Variants in KCNQ1 observed in about 807,000 individuals in gnomAD.
The protein encoded by KCNQ1 is potassium voltage-gated channel subfamily KQT member 1.
Under a neutral mutation model 72.4 loss-of-function variants are expected in KCNQ1, and 49 were observed. The observed-to-expected ratio is 0.68, with a 90% confidence interval of 0.54 to 0.86. The LOEUF (loss-of-function observed/expected upper bound fraction) is 0.86, where lower values mean the gene tolerates loss of function less well. Ranked by LOEUF, KCNQ1 falls within the 40% of genes least tolerant of loss-of-function variation. The pLI, the probability that KCNQ1 is intolerant of heterozygous loss-of-function variation, is 0.00. For missense variants in KCNQ1, 790 were observed against 945.1 expected (o/e 0.84, Z 2.15); for synonymous variants, 450 against 412.6 (o/e 1.09, Z -1.10).
At chr11:2,533,257 G>T (rs897918768) in intron 2 of KCNQ1, among the ~76,000 whole-genome samples, 55 of 152,238 alleles carry the variant, frequency 3.6e-4, no homozygotes, top group Non-Finnish European at 4.1e-4. Context: ...GAGGGATTAG[G>T]CATTCTGCTG....
intron 11 of KCNQ1, among the ~76,000 whole-genome samples, chr11:2,706,971 A>G (rs927989973): frequency 6.6e-6 from 1 of 152,182 alleles, no homozygotes; most frequent in Middle Eastern, 3.2e-3. Context: ...AATGTGATTT[A>G]GGAAATGTAA....
In KCNQ1 at chr11:2,710,458, A is replaced by G. The variant is rs1850984384; in HGVS notation, c.1514+48377A>G. On this transcript the variant is annotated intron_variant, in intron 11 of 15. Coordinates refer to ENST00000155840, the MANE Select transcript of KCNQ1 (RefSeq NM_000218.3). The surrounding 1 kb of genome is among the most constrained non-coding windows in gnomAD (Gnocchi z 4.1). Reference sequence around the variant, plus strand: ...TTCACTTTCTTGATCATGTCCTTTGACTCACAAAGGTTTTTAATTTTGATG... The same window carrying G: ...TTCACTTTCTTGATCATGTCCTTTGGCTCACAAAGGTTTTTAATTTTGATG... Among the ~76,000 whole-genome samples, 1 of 151,900 alleles carries G rather than the reference A, an allele frequency of 6.6e-6. No individual in the cohort carries two copies. The highest frequency in any genetic ancestry group is 1.9e-4 in the East Asian group (1 of 5,176).
At chr11:2,525,046 G>A (rs1011609699) in intron 1 of KCNQ1, among the ~76,000 whole-genome samples, 4 of 152,244 alleles carry the variant, frequency 2.6e-5, no homozygotes, top group African/African-American at 9.6e-5. Context: ...ATGGCGGAGG[G>A]AGCCCTGGTA....
chr11:2,702,169 G>T (rs776267222), intron 11 of KCNQ1, among the ~76,000 whole-genome samples: 14 of 152,190 alleles, frequency 9.2e-5, no homozygotes, highest in South Asian at 2.1e-4. Flanking sequence ...CAGGATCCCA[G>T]GTCTTCAGAG....
intron 11 of KCNQ1, among the ~76,000 whole-genome samples, chr11:2,707,296 C>T (rs778637418): frequency 3.3e-5 from 5 of 152,196 alleles, no homozygotes; most frequent in Non-Finnish European, 5.9e-5. Flanking sequence ...TCTGCTGTAA[C>T]GTCCACTGGA....
At position 2,541,389 on chromosome 11, in the gene KCNQ1, A is replaced by G. The variant is rs569180247; in HGVS notation, c.477+13371A>G. On this transcript the variant is annotated intron_variant, in intron 2 of 15. Transcript: ENST00000155840. The surrounding 1 kb of genome is among the most constrained non-coding windows in gnomAD (Gnocchi z 4.8). ...TCTTTATTTCATTTTAGCTTTCTTTAGCGGGGCCTGTGTCTCTTCTCACTG... is the reference window on the plus strand; with the variant it reads ...TCTTTATTTCATTTTAGCTTTCTTTGGCGGGGCCTGTGTCTCTTCTCACTG... 2.0e-5 allele frequency among the ~76,000 whole-genome samples: 3 copies of G among 152,160 alleles called. No individual in the cohort carries two copies. Among genetic ancestry groups the G allele is most frequent in the Admixed American group, 2.0e-4 (3 of 15,306 alleles).
intron 2 of KCNQ1, among the ~76,000 whole-genome samples, chr11:2,540,398 C>T (rs550726187): frequency 4.6e-5 from 7 of 152,354 alleles, no homozygotes; most frequent in South Asian, 2.1e-4. Context: ...TCAGGAGCCA[C>T]GGCTCGAGCA....
intron 1 of KCNQ1, chr11:2,521,509 G>T (rs764931820): frequency 6.2e-5 from 29 of 470,526 alleles, no homozygotes; most frequent in South Asian, 4.2e-4. Context: ...GGTCACGAGA[G>T]TGCAAAGTTC....
chr11:2,562,089 A>C lies in KCNQ1; in HGVS notation c.478-8539A>C, dbSNP rs957533234. 6.6e-6 allele frequency among the ~76,000 whole-genome samples: 1 copy of C among 150,434 alleles called. No individual in the cohort carries two copies. ...AGTAAGGCCAGGACAGGGCAGCCGG[A>C]CCCCGACTGTGCCACCCTCAGCCCA... On this transcript the variant is annotated intron_variant, in intron 2 of 15. Coordinates refer to ENST00000155840, the MANE Select transcript of KCNQ1 (RefSeq NM_000218.3). The surrounding 1 kb of genome is among the most constrained non-coding windows in gnomAD (Gnocchi z 7.5).
At position 2,663,912 on chromosome 11, in the gene KCNQ1, G is replaced by A. The variant is rs1318941330; in HGVS notation, c.1514+1831G>A. 2.5e-6 allele frequency: 1 copy of A among 398,568 alleles called. No individual in the cohort carries two copies. The allele number at this position is 398,568 out of a possible 1,614,324, so 24.7% of individuals were successfully genotyped here. A position where few individuals can be genotyped will look rare whatever the true frequency, so the allele number is the denominator to read the frequency against. ...AAGCCAGTGTGGCTGTGTCATCTAG[G>A]ACACTGGGCTGTTTCTTGTTCCACT... On this transcript the variant is annotated intron_variant, in intron 11 of 15. Transcript: ENST00000155840. The surrounding 1 kb of genome is among the most constrained non-coding windows in gnomAD (Gnocchi z 5.2).
At chr11:2,693,408 T>C (rs1219447412) in intron 11 of KCNQ1, 2 of 398,566 alleles carry the variant, frequency 5.0e-6, no homozygotes, top group Non-Finnish European at 8.8e-6. Context: ...GGGCCTAAGC[T>C]GGGAATAAGC....
intron 10 of KCNQ1, chr11:2,628,955 T>C: frequency 2.5e-6 from 1 of 398,426 alleles, no homozygotes; most frequent in Non-Finnish European, 4.4e-6. Flanking sequence ...ATGCTTTCTA[T>C]TCTGTTCCAT....
At chr11:2,718,672 T>C (rs74046888) in intron 11 of KCNQ1, among the ~76,000 whole-genome samples, 4,592 of 152,320 alleles carry the variant, frequency 0.03, 246 homozygotes, top group African/African-American at 0.1. Flanking sequence ...CTAGATGACC[T>C]GGGCTAGGGC....
chr11:2,845,129 C>G (rs1245153607), intron 15 of KCNQ1, among the ~76,000 whole-genome samples: 1 of 152,220 alleles, frequency 6.6e-6, no homozygotes, highest in African/African-American at 2.4e-5. Flanking sequence ...AGGGCTGGTC[C>G]TGCCGGCAGC....
chr11:2,537,544 T>G lies in KCNQ1; in HGVS notation c.477+9526T>G, dbSNP rs1177907304. Reference sequence around the variant, plus strand: ...CCTTTTGGTTCCACAGTCTGTGTCTTTCTTCCTGGGTGTCTGAATTTTGAT... The same window carrying G: ...CCTTTTGGTTCCACAGTCTGTGTCTGTCTTCCTGGGTGTCTGAATTTTGAT... On this transcript the variant is annotated intron_variant, in intron 2 of 15. Transcript: ENST00000155840. This position sits in a 1 kb window ranked among gnomAD's most constrained non-coding sequence, Gnocchi z 5.2. 6.6e-6 allele frequency among the ~76,000 whole-genome samples: 1 copy of G among 152,016 alleles called. No homozygotes were observed. The highest frequency in any genetic ancestry group is 1.5e-5 in the Non-Finnish European group (1 of 68,018).
chr11:2,697,372 C>T, intron 11 of KCNQ1: 2 of 398,626 alleles, frequency 5.0e-6, no homozygotes, highest in Non-Finnish European at 4.4e-6. Context: ...CTGATCCTCA[C>T]ATCCCCATTT....
At position 2,495,774 on chromosome 11, in the gene KCNQ1, G is replaced by C. The variant is rs2133634377; in HGVS notation, c.387-32154G>C. 6.6e-6 allele frequency among the ~76,000 whole-genome samples: 1 copy of C among 152,296 alleles called. No homozygotes were observed. The highest frequency in any genetic ancestry group is 2.1e-4 in the South Asian group (1 of 4,826). On this transcript the variant is annotated intron_variant, in intron 1 of 15. Transcript: ENST00000155840. This position sits in a 1 kb window ranked among gnomAD's most constrained non-coding sequence, Gnocchi z 4.6. ...ACTTCCAGTTATGTGGTCAATTTTA[G>C]AATAAGTGCTATGTGATGCTGAGAA...
chr11:2,552,290 T>C (rs1847994687), intron 2 of KCNQ1, among the ~76,000 whole-genome samples: 2 of 152,344 alleles, frequency 1.3e-5, no homozygotes, highest in South Asian at 4.1e-4. Context: ...GTGACAGGTA[T>C]GGATGGAGGT....
chr11:2,680,367 A>T (rs1451561729), intron 11 of KCNQ1: 4 of 398,308 alleles, frequency 1.0e-5, no homozygotes, highest in African/African-American at 8.2e-5. Flanking sequence ...CAGTTTACCC[A>T]CATGTTCAAA....
Sources: allele counts gnomAD v4.1 joint callset (sites outside exome capture counted in the v4.1 genomes callset), GRCh38; gene constraint gnomAD v4.1.1; non-coding constraint Gnocchi (gnomAD v3.1); transcripts MANE v1.5; gene names NCBI Gene and HGNC (gene_info 2026-07-23, HGNC 2026-07-21).